NUP98: variants seen among roughly 807,000 people sequenced by gnomAD.
NUP98 encodes nuclear pore complex protein Nup98-Nup96.
NUP98 carries 26 observed loss-of-function variants against 191.9 expected under a neutral mutation model. The observed-to-expected ratio is 0.14, with a 90% confidence interval of 0.10 to 0.19. NUP98 has a LOEUF of 0.19. Ranked by LOEUF, NUP98 falls within the 10% of genes least tolerant of loss-of-function variation. The probability of loss-of-function intolerance (pLI) is 1.00; values close to 1 mark genes in which losing one functional copy is unlikely to be tolerated. For missense variants in NUP98, 1,941 were observed against 2,178.8 expected, an observed-to-expected ratio of 0.89 and a Z score of 2.17; for synonymous variants, 808 against 778.4, an observed-to-expected ratio of 1.04 and a Z score of -0.63.
Position 3,683,556 on chromosome 11 carries a change from TTG to T in NUP98, c.4677-117_4677-116del. On this transcript the variant is annotated intron_variant, in intron 29 of 32. Transcript: ENST00000324932. The stretch of plus-strand genomic sequence containing the variant: ...CTTAAACTGCAGGTCTTTTTTTTTT[TTG>T]ATGGAGTTTCACTCTTGTTGCCCAG... 4.8e-6 allele frequency: 5 copies of T among 1,040,940 alleles called. No individual in the cohort carries two copies. The South Asian group carries it at 4.9e-5, about 10-fold the overall frequency. The allele number at this position is 1,040,940 out of a possible 1,614,324, so 64.5% of individuals were successfully genotyped here.
chr11:3,757,715 C>T (rs761175075), intron 10 of NUP98, among the ~76,000 whole-genome samples: 2 of 151,932 alleles, frequency 1.3e-5, no homozygotes, highest in Non-Finnish European at 2.9e-5. Context: ...AGAAGAATCG[C>T]TTGAACCCAG....
chr11:3,722,104 T>G (rs1239970044), intron 16 of NUP98, among the ~76,000 whole-genome samples: 1 of 147,526 alleles, frequency 6.8e-6, no homozygotes, highest in African/African-American at 2.5e-5. Flanking sequence ...CACCTGGAAT[T>G]CTTTTTTTTT....
chr11:3,690,323 G>GCA (rs2078272934), intron 28 of NUP98, among the ~76,000 whole-genome samples: 2 of 150,592 alleles, frequency 1.3e-5, no homozygotes, highest in African/African-American at 2.4e-5. Context: ...GCAGTGGCAT[G>GCA]ATCTCTGCTC....
intron 28 of NUP98, 66 bp from the exon 29 acceptor site, chr11:3,686,260 G>A: frequency 1.4e-6 from 2 of 1,403,202 alleles, no homozygotes; most frequent in Non-Finnish European, 2.0e-6. Flanking sequence ...TATGTCAACT[G>A]TTCTGCTTAT....
chr11:3,706,761 T>C (rs954853987), intron 20 of NUP98, 134 bp from the exon 21 acceptor site: 5 of 821,306 alleles, frequency 6.1e-6, no homozygotes, highest in African/African-American at 1.7e-5. Context: ...TGAGGTAAGG[T>C]AGCAGATTTG....
chr11:3,728,214 G>C (rs1483800828), intron 14 of NUP98, among the ~76,000 whole-genome samples: 4 of 152,196 alleles, frequency 2.6e-5, no homozygotes, highest in African/African-American at 9.7e-5. Context: ...TAAGTTTAGA[G>C]TGGAGTAAGC....
intron 12 of NUP98, among the ~76,000 whole-genome samples, chr11:3,740,564 A>G (rs1406801922): frequency 6.6e-6 from 1 of 151,834 alleles, no homozygotes; most frequent in Non-Finnish European, 1.5e-5. Flanking sequence ...ACATATTGCC[A>G]TTCTCCTAAT....
intron 20 of NUP98, chr11:3,711,860 A>C: frequency 9.7e-7 from 1 of 1,034,224 alleles, no homozygotes; most frequent in Non-Finnish European, 1.2e-6. Context: ...TATTTAATAA[A>C]TCATAAAAAC....
intron 14 of NUP98, among the ~76,000 whole-genome samples, chr11:3,727,584 G>A (rs1050457439): frequency 1.3e-5 from 2 of 152,160 alleles, no homozygotes; most frequent in African/African-American, 4.8e-5. Context: ...GTAAATAAAG[G>A]TGGCATGGTG....
At chr11:3,739,676 A>G (rs1430666272) in intron 12 of NUP98, among the ~76,000 whole-genome samples, 1 of 152,080 alleles carries the variant, frequency 6.6e-6, no homozygotes, top group Non-Finnish European at 1.5e-5. Flanking sequence ...ATATAAACCC[A>G]CAATGACAAA....
chr11:3,695,459 G>A lies in NUP98; in HGVS notation c.4157C>T (p.Ala1386Val). ...AAAAGTAGAAGATACCGGTTTTCCA[G>A]CCAACAGAGCAAAGATGCGCAGTCT... is the stretch of plus-strand genomic sequence containing the variant. ...DERLRIFALL[A>V]GKPVWQLSEK... is the part of the protein sequence containing the mutation. Residue 1386 changes from alanine (A) to valine (V), a missense_variant, in exon 26 of 33, where the codon GCT becomes GTT. Around this residue, in one of 6 missense-constraint regions of NUP98, gnomAD observed 1,030 missense variants for 1,115.8 expected, o/e 0.92. Transcript: ENST00000324932. 1 of 1,548,740 alleles carries A rather than the reference G, an allele frequency of 6.5e-7. No individual in the cohort carries two copies.
intron 25 of NUP98, among the ~76,000 whole-genome samples, chr11:3,698,609 C>T (rs1254198580): frequency 6.6e-6 from 1 of 151,152 alleles, no homozygotes; most frequent in African/African-American, 2.4e-5. Flanking sequence ...CACCTGTAAT[C>T]TCAGCTACTT....
intron 1 of NUP98, among the ~76,000 whole-genome samples, chr11:3,787,515 A>G (rs10742164): frequency 0.94 from 142,375 of 152,160 alleles, 66,702 homozygotes; most frequent in East Asian, 1. Flanking sequence ...CCCGGAAGGC[A>G]GAGGTTGCAG....
chr11:3,680,443 C>A (rs890586872), intron 30 of NUP98, among the ~76,000 whole-genome samples: 7 of 152,230 alleles, frequency 4.6e-5, no homozygotes, highest in African/African-American at 1.7e-4. Flanking sequence ...CCACTAAAGT[C>A]TTGAACCCTT....
Position 3,720,801 on chromosome 11 carries a change from TA to T in NUP98, c.2170del (p.Tyr724ThrfsTer41). The T allele has an allele frequency of 7.6e-7, 1 of 1,313,272 alleles. No individual in the cohort carries two copies. Among genetic ancestry groups the T allele is most frequent in the Non-Finnish European group, 1.1e-6 (1 of 950,372 alleles). 81.4% of individuals were successfully genotyped at this position (1,313,272 alleles called of 1,614,324 possible). On this transcript the variant is annotated frameshift_variant, in exon 17 of 33. Coordinates refer to ENST00000324932, the MANE Select transcript of NUP98 (RefSeq NM_016320.5). LOFTEE classifies it high-confidence loss of function. ...PAGIILTKVG[Y>X]YTIPSMDDLA... The stretch of plus-strand genomic sequence containing the variant: ...GTCATCCATAGATGGAATAGTATAG[TA>T]ACCAACCTTAGTGAGAATAATACCT...
In NUP98 at chr11:3,683,370, G is replaced by C; in HGVS notation, c.4748C>G (p.Ala1583Gly). The change falls in exon 30 of 33, where the codon GCT becomes GGT. Residue 1583 changes from alanine (A) to glycine (G), a missense_variant. Coordinates refer to ENST00000324932, the MANE Select transcript of NUP98 (RefSeq NM_016320.5). ...CTTCTGGGTAAGGAAAGTCTCTTTA[G>C]CCCAAGATTCAGGGGTCTCCAACAG... Reference protein sequence around the residue: ...CQLLETPESWAKETFLTQKLR... With the variant: ...CQLLETPESWGKETFLTQKLR... The C allele has an allele frequency of 6.2e-7, 1 of 1,614,134 alleles. No homozygotes were observed. The highest frequency in any genetic ancestry group is 1.7e-5 in the Admixed American group (1 of 60,014).
At chr11:3,791,057 A>T (rs190227639) in intron 1 of NUP98, among the ~76,000 whole-genome samples, 1 of 151,876 alleles carries the variant, frequency 6.6e-6, no homozygotes, top group Non-Finnish European at 1.5e-5. Context: ...CACCACGCCC[A>T]GCTAATTTTT....
At chr11:3,723,119 C>T (rs1289802486) in intron 16 of NUP98, 38 bp downstream of exon 16, 1 of 1,587,312 alleles carries the variant, frequency 6.3e-7, no homozygotes, top group East Asian at 2.2e-5. Context: ...TCTCGAATGA[C>T]TGGTAAGAGA....
At chr11:3,785,208 A>G (rs2082102777) in intron 1 of NUP98, among the ~76,000 whole-genome samples, 1 of 152,060 alleles carries the variant, frequency 6.6e-6, no homozygotes, top group South Asian at 2.1e-4. Context: ...CAACCAAAAA[A>G]CCAACGGATT....
Sources: allele counts gnomAD v4.1 joint callset (sites outside exome capture counted in the v4.1 genomes callset), GRCh38; gene constraint gnomAD v4.1.1; regional missense constraint gnomAD v4.1.1; transcripts MANE v1.5; gene names NCBI Gene and HGNC (gene_info 2026-07-23, HGNC 2026-07-21).